MGAT4C: variants seen among roughly 807,000 people sequenced by gnomAD.
MGAT4C encodes alpha-1,3-mannosyl-glycoprotein 4-beta-N-acetylglucosaminyltransferase C.
A neutral mutation model predicts 40.1 loss-of-function variants in MGAT4C; 19 were observed. The ratio of observed to expected loss-of-function variants is 0.47; its 90% CI spans 0.33 to 0.70. The LOEUF is 0.70. Among genes scored for constraint, MGAT4C ranks in the 30% least tolerant of loss-of-function variants. The pLI is 0.02. For synonymous variants in MGAT4C, 181 were observed against 187.1 expected (o/e 0.97, Z 0.27); for missense variants, 491 against 563.2 (o/e 0.87, Z 1.30).
chr12:86,393,700 A>G (rs1401342959), intron 3 of MGAT4C, among the ~76,000 whole-genome samples: 1 of 152,214 alleles, frequency 6.6e-6, no homozygotes, highest in Non-Finnish European at 1.5e-5. Context: ...TGGAGGGTAT[A>G]GTAATCACTG....
chr12:86,299,108 A>AATTT (rs745960035), intron 4 of MGAT4C, among the ~76,000 whole-genome samples: 44 of 151,916 alleles, frequency 2.9e-4, no homozygotes, highest in East Asian at 1.9e-3. Flanking sequence ...CTTTTCAGTA[A>AATTT]ATTTATTTAT....
chr12:86,582,545 G>C (rs183927779), intron 2 of MGAT4C, among the ~76,000 whole-genome samples: 101 of 151,480 alleles, frequency 6.7e-4, no homozygotes, highest in African/African-American at 2.3e-3. Flanking sequence ...AAGTGTTACT[G>C]TAGTTGATTT....
chr12:86,359,539 T>G (rs61950756), intron 3 of MGAT4C, among the ~76,000 whole-genome samples: 13,876 of 150,764 alleles, frequency 0.092, 794 homozygotes, highest in Middle Eastern at 0.23. Context: ...AATGAATCCA[T>G]GAGCTGGTTT....
chr12:86,405,986 C>CA (rs1373745984), intron 3 of MGAT4C, among the ~76,000 whole-genome samples: 1 of 119,274 alleles, frequency 8.4e-6, no homozygotes, highest in Admixed American at 8.7e-5. Flanking sequence ...TATATATACA[C>CA]AAAAAATATA....
At chr12:86,203,846 A>G (rs1458945732) in intron 1 of MGAT4C, among the ~76,000 whole-genome samples, 1 of 151,432 alleles carries the variant, frequency 6.6e-6, no homozygotes, top group Non-Finnish European at 1.5e-5. Flanking sequence ...AATCCCAGCT[A>G]CTCAGGAGGC....
intron 4 of MGAT4C, among the ~76,000 whole-genome samples, chr12:86,290,575 G>GT (rs1953484418): frequency 6.6e-6 from 1 of 152,058 alleles, no homozygotes; most frequent in Non-Finnish European, 1.5e-5. Context: ...AAGTAGGTTG[G>GT]TCCCTTGGTG....
chr12:86,504,189 C>G lies in MGAT4C; in HGVS notation c.-228-68924G>C, dbSNP rs571702475. On this transcript the variant is annotated intron_variant, in intron 2 of 7. Coordinates refer to the MGAT4C transcript ENST00000548651. ...GGCAATACCTAGTGAGGATGTAGAACAATTTTCAGTTTCATATATTATTGG... is the reference window on the plus strand; with the variant it reads ...GGCAATACCTAGTGAGGATGTAGAAGAATTTTCAGTTTCATATATTATTGG... Among the ~76,000 whole-genome samples, 31 of 152,082 alleles carry G rather than the reference C, an allele frequency of 2.0e-4. No individual in the cohort carries two copies. In the South Asian group the frequency reaches 6.2e-3, roughly 31 times the overall value.
At position 86,304,220 on chromosome 12, in the gene MGAT4C, G is replaced by C. The variant is rs188680384; in HGVS notation, c.-57+29845C>G. Among the ~76,000 whole-genome samples the C allele has an allele frequency of 3.3e-5, 5 of 150,638 alleles. 1 individual carries two copies. Among genetic ancestry groups the C allele is most frequent in the African/African-American group, 1.2e-4 (5 of 40,114 alleles). On this transcript the variant is annotated intron_variant, in intron 4 of 7. Transcript: ENST00000548651. ...AAAATTGTTTTCAGCTTTCCAAAAT[G>C]ATTTTTGCTGGCAGATAAGCTTTTT...
chr12:86,158,543 T>G (rs1885237947), intron 1 of MGAT4C, among the ~76,000 whole-genome samples: 1 of 152,170 alleles, frequency 6.6e-6, no homozygotes, highest in Non-Finnish European at 1.5e-5. Flanking sequence ...GTCTTTATTT[T>G]AAAAGAATCA....
At chr12:86,682,559 T>A (rs1368155113) in intron 2 of MGAT4C, among the ~76,000 whole-genome samples, 1 of 152,082 alleles carries the variant, frequency 6.6e-6, no homozygotes, top group African/African-American at 2.4e-5. Flanking sequence ...TAATTTAAGC[T>A]CCTTTAATTT....
At chr12:86,643,514 A>G (rs2136524605) in intron 2 of MGAT4C, among the ~76,000 whole-genome samples, 1 of 152,008 alleles carries the variant, frequency 6.6e-6, no homozygotes, top group South Asian at 2.1e-4. Context: ...ATCTATAAAA[A>G]TGAACGAAAT....
intron 4 of MGAT4C, among the ~76,000 whole-genome samples, chr12:86,272,526 T>A (rs1403170008): frequency 6.6e-6 from 1 of 152,044 alleles, no homozygotes; most frequent in Non-Finnish European, 1.5e-5. Context: ...TTCTAAACAA[T>A]CCTCAACTAA....
chr12:86,601,247 A>C (rs1408136276), intron 2 of MGAT4C: 2 of 152,228 alleles, frequency 1.3e-5, no homozygotes, highest in East Asian at 1.9e-4. Flanking sequence ...CCTGACCTTC[A>C]GGCCTGGCGG....
intron 3 of MGAT4C, among the ~76,000 whole-genome samples, chr12:86,374,786 A>G (rs965101857): frequency 1.1e-4 from 17 of 152,142 alleles, no homozygotes; most frequent in African/African-American, 3.4e-4. Context: ...AAGGCTTACT[A>G]CAATTACTGG....
At chr12:86,230,483 G>A (rs1451645333) in intron 1 of MGAT4C, among the ~76,000 whole-genome samples, 1 of 152,126 alleles carries the variant, frequency 6.6e-6, no homozygotes, top group Non-Finnish European at 1.5e-5. Flanking sequence ...GGCATTATTA[G>A]CACTTAAATT....
intron 3 of MGAT4C, among the ~76,000 whole-genome samples, chr12:86,420,008 TA>T (rs959570696): frequency 8.2e-5 from 4 of 48,920 alleles, no homozygotes; most frequent in African/African-American, 1.6e-4. Context: ...ATAAAGACCA[TA>T]ATTTTTTTTT....
chr12:86,485,852 G>T (rs1324286242), intron 2 of MGAT4C, among the ~76,000 whole-genome samples: 1 of 152,076 alleles, frequency 6.6e-6, no homozygotes, highest in Non-Finnish European at 1.5e-5. Context: ...CTTACAAAGA[G>T]AATCACATCA....
At chr12:86,768,371 TACAA>T (rs1951556849) in intron 1 of MGAT4C, among the ~76,000 whole-genome samples, 1 of 151,912 alleles carries the variant, frequency 6.6e-6, no homozygotes, top group South Asian at 2.1e-4. Context: ...TAAAAGAGGA[TACAA>T]ACAAATGGAA....
chr12:86,434,089 C>T (rs1242573122), intron 3 of MGAT4C, among the ~76,000 whole-genome samples: 2 of 151,956 alleles, frequency 1.3e-5, no homozygotes, highest in Non-Finnish European at 2.9e-5. Flanking sequence ...CTGGTGTAAA[C>T]TCCTGAAAAT....
Sources: gnomAD v4.1 joint callset for allele counts (sites outside exome capture counted in the v4.1 genomes callset) on GRCh38, gnomAD v4.1.1 for gene constraint, MANE v1.5 for transcripts, NCBI Gene and HGNC (gene_info 2026-07-23, HGNC 2026-07-21) for gene names.